SLC39A12: variants seen among roughly 807,000 people sequenced by gnomAD.
SLC39A12 encodes the protein zinc transporter ZIP12.
A neutral mutation model predicts 71.1 loss-of-function variants in SLC39A12; 63 were observed. That is an observed-to-expected ratio of 0.89 (90% confidence interval 0.72 to 1.09). The LOEUF is 1.09. Ranked by LOEUF, SLC39A12 falls within the 50% of genes least tolerant of loss-of-function variation. The pLI is 0.00. For synonymous variants in SLC39A12, 351 were observed against 301.3 expected (o/e 1.16, Z -1.71); for missense variants, 892 against 812.6 (o/e 1.10, Z -1.19).
rs150736192 is a variant in SLC39A12 at position 17,957,519 on chromosome 10, A to T, written c.261+3982A>T. Reference sequence around the variant, plus strand: ...CAATGGATTATTCCTGAATGAGTCCATTCTTCTTAAACAAAGAATTGCTTC... The same window carrying T: ...CAATGGATTATTCCTGAATGAGTCCTTTCTTCTTAAACAAAGAATTGCTTC... On this transcript the variant is annotated intron_variant, in intron 2 of 12. Transcript: ENST00000377369. Among the ~76,000 whole-genome samples, 188 of 152,210 alleles carry T rather than the reference A, an allele frequency of 1.2e-3. 1 individual carries two copies. The highest frequency in any genetic ancestry group is 4.3e-3 in the African/African-American group (180 of 41,532).
At chr10:18,040,267 A>T (rs533411319) in intron 12 of SLC39A12, among the ~76,000 whole-genome samples, 2 of 152,164 alleles carry the variant, frequency 1.3e-5, no homozygotes, top group Non-Finnish European at 1.5e-5. Flanking sequence ...ACCTGGCATA[A>T]AGACACCAAA....
Position 17,993,201 on chromosome 10 carries a change from T to A in SLC39A12, c.1443T>A (p.Asn481Lys). The change falls in exon 9 of 13, where the codon AAT becomes AAA. Residue 481 changes from asparagine (N) to lysine (K), a missense_variant. Asn to Lys is a moderately conservative substitution (Grantham distance 94). Coordinates refer to ENST00000377369, the MANE Select transcript of SLC39A12 (RefSeq NM_001145195.2). The stretch of plus-strand genomic sequence containing the variant: ...TCCAGCAGGGCCTGTCATTGGTTAA[T>A]GGGCACGTGGGTCATTCCCACCATC... Reference protein sequence around the residue: ...PNDKQGLSLVNGHVGHSHHLA... With the variant: ...PNDKQGLSLVKGHVGHSHHLA... 6.4e-7 allele frequency: 1 copy of A among 1,551,584 alleles called. No homozygotes were observed. The highest frequency in any genetic ancestry group is 1.2e-5 in the South Asian group (1 of 83,994).
At chr10:18,029,832 T>C (rs969559095) in intron 12 of SLC39A12, among the ~76,000 whole-genome samples, 17 of 151,164 alleles carry the variant, frequency 1.1e-4, no homozygotes, top group Non-Finnish European at 1.9e-4. Context: ...ATAAATACTC[T>C]TGAAAATTAA....
intron 4 of SLC39A12, among the ~76,000 whole-genome samples, chr10:17,972,265 C>T (rs1273895077): frequency 6.6e-6 from 1 of 152,112 alleles, no homozygotes; most frequent in African/African-American, 2.4e-5. Context: ...ATGGTCTGTC[C>T]TTGAGAATCA....
chr10:17,979,517 T>G (rs1351742743), intron 5 of SLC39A12, among the ~76,000 whole-genome samples: 1 of 152,220 alleles, frequency 6.6e-6, no homozygotes. Flanking sequence ...TTGTTGCCAG[T>G]GTCTCTTTAT....
At chr10:17,996,720 G>A (rs1184461582) in intron 10 of SLC39A12, among the ~76,000 whole-genome samples, 2 of 152,034 alleles carry the variant, frequency 1.3e-5, no homozygotes, top group Non-Finnish European at 2.9e-5. Context: ...ATGCACCGGC[G>A]GGCGCGGTGG....
rs868906321 is a variant in SLC39A12 at position 17,961,780 on chromosome 10, A to T, written c.461A>T (p.Glu154Val). 2.5e-6 allele frequency: 4 copies of T among 1,614,044 alleles called. No homozygotes were observed. The highest frequency in any genetic ancestry group is 3.4e-6 in the Non-Finnish European group (4 of 1,180,010). The change falls in exon 3 of 13, where the codon GAA becomes GTA. Residue 154 changes from glutamate to valine, a missense_variant. Coordinates refer to ENST00000377369, the MANE Select transcript of SLC39A12 (RefSeq NM_001145195.2). ...AGCCTACTGAGCCTCAGGCAGGATG[A>T]AGATTCCTCTTTCCTTTCACAGAAT... Reference protein sequence around the residue: ...LHSLLSLRQDEDSSFLSQNET... With the variant: ...LHSLLSLRQDVDSSFLSQNET...
chr10:18,042,795 CT>C lies in SLC39A12; in HGVS notation c.2039del (p.Leu680ArgfsTer14). 6.2e-7 allele frequency: 1 copy of C among 1,612,796 alleles called. No individual in the cohort carries two copies. The highest frequency in any genetic ancestry group is 8.5e-7 in the Non-Finnish European group (1 of 1,179,536). On this transcript the variant is annotated frameshift_variant, in exon 13 of 13. Transcript: ENST00000377369. LOFTEE classifies it high-confidence loss of function. Reference protein sequence around the residue: ...FGLILGWLSLLLLAIYEQNIK... With the variant: ...FGLILGWLSLXLLAIYEQNIK... ...ATTGATCCTAGGTTGGCTTTCTCTC[CT>C]GCTCTTGGCTATATATGAGCAAAAT... is the stretch of plus-strand genomic sequence containing the variant.
At chr10:17,952,243 T>G (rs1554847191) in intron 1 of SLC39A12, among the ~76,000 whole-genome samples, 1 of 151,010 alleles carries the variant, frequency 6.6e-6, no homozygotes, top group African/African-American at 2.5e-5. Flanking sequence ...AGAAAGATAA[T>G]TTTTTTTTCC....
chr10:18,017,313 A>G (rs918748703), intron 12 of SLC39A12, among the ~76,000 whole-genome samples: 27 of 151,934 alleles, frequency 1.8e-4, no homozygotes, highest in African/African-American at 6.3e-4. Flanking sequence ...TGAAGTAATT[A>G]ATTTTTTCTT....
intron 12 of SLC39A12, among the ~76,000 whole-genome samples, chr10:18,034,280 G>C (rs1283471561): frequency 6.7e-6 from 1 of 149,204 alleles, no homozygotes; most frequent in African/African-American, 2.4e-5. Flanking sequence ...TAATGTGTGG[G>C]AGTCTAAGTC....
chr10:17,993,181 C>T lies in SLC39A12; in HGVS notation c.1423C>T (p.Gln475Ter). Reference sequence around the variant, plus strand: ...CTAATTTTAAACCATCCTCATCCAGCAGGGCCTGTCATTGGTTAATGGGCA... The same window carrying T: ...CTAATTTTAAACCATCCTCATCCAGTAGGGCCTGTCATTGGTTAATGGGCA... ...FILLVSPNDK[Q>*]GLSLVNGHVG... Residue 475 changes from glutamine to a stop codon, truncating the protein, a stop_gained and splice_region_variant, in exon 9 of 13, where the codon CAG becomes TAG. Coordinates refer to ENST00000377369, the MANE Select transcript of SLC39A12 (RefSeq NM_001145195.2). LOFTEE classifies it high-confidence loss of function. 6.5e-7 allele frequency: 1 copy of T among 1,549,002 alleles called. No homozygotes were observed. Among genetic ancestry groups the T allele is most frequent in the South Asian group, 1.2e-5 (1 of 83,822 alleles).
chr10:18,036,638 C>T (rs2488129), intron 12 of SLC39A12, among the ~76,000 whole-genome samples: 78,551 of 150,472 alleles, frequency 0.52, 21,138 homozygotes, highest in Non-Finnish European at 0.59. Context: ...AGCTGTAGAC[C>T]GGAGCTGTTC....
At chr10:17,952,154 C>G (rs1834416266) in intron 1 of SLC39A12, 129 bp downstream of exon 1, 1 of 152,222 alleles carries the variant, frequency 6.6e-6, no homozygotes. Flanking sequence ...TACTAGCCCA[C>G]AGTCATTTAC....
intron 10 of SLC39A12, 77 bp from the exon 11 acceptor site, chr10:18,000,590 G>C (rs1223621120): frequency 5.8e-6 from 8 of 1,373,782 alleles, no homozygotes; most frequent in South Asian, 1.3e-5. Flanking sequence ...AGGTGGGAAG[G>C]TTGGTTGGTT....
At chr10:18,021,505 T>C (rs1836532717) in intron 12 of SLC39A12, among the ~76,000 whole-genome samples, 1 of 152,136 alleles carries the variant, frequency 6.6e-6, no homozygotes, top group African/African-American at 2.4e-5. Flanking sequence ...TTTGAGTCTA[T>C]GGGTTTTCTT....
At chr10:18,015,204 C>T (rs1449933149) in intron 12 of SLC39A12, among the ~76,000 whole-genome samples, 1 of 142,270 alleles carries the variant, frequency 7.0e-6, no homozygotes, top group Admixed American at 7.1e-5. Flanking sequence ...TTTTGGGTAC[C>T]ACTAAGAACC....
intron 2 of SLC39A12, among the ~76,000 whole-genome samples, chr10:17,957,737 A>T (rs149452663): frequency 2.0e-5 from 3 of 152,264 alleles, no homozygotes; most frequent in African/African-American, 7.2e-5. Flanking sequence ...GCTTTTTGTC[A>T]TATCTATGTC....
chr10:18,043,097 GCA>G lies in SLC39A12; in HGVS notation c.*265_*266del. On this transcript the variant is annotated 3_prime_UTR_variant, in exon 13 of 13. Coordinates refer to ENST00000377369, the MANE Select transcript of SLC39A12 (RefSeq NM_001145195.2). ...TTTTAAAAAGTAGTTAGTAAATTCTGCATGAATTTTAGTAAACTTTAAAAAAT... is the reference window on the plus strand; with the variant it reads ...TTTTAAAAAGTAGTTAGTAAATTCTGTGAATTTTAGTAAACTTTAAAAAAT... 1 of 195,938 alleles carries G rather than the reference GCA, an allele frequency of 5.1e-6. No individual in the cohort carries two copies. Among genetic ancestry groups the G allele is most frequent in the South Asian group, 1.8e-4 (1 of 5,658 alleles). The allele number at this position is 195,938 out of a possible 1,614,324, so 12.1% of individuals were successfully genotyped here.
Sources: allele counts gnomAD v4.1 joint callset (sites outside exome capture counted in the v4.1 genomes callset), GRCh38; gene constraint gnomAD v4.1.1; transcripts MANE v1.5; gene names NCBI Gene and HGNC (gene_info 2026-07-23, HGNC 2026-07-21).